Variants in HTR3A observed in about 807,000 individuals in gnomAD.
The protein encoded by HTR3A is 5-hydroxytryptamine receptor 3A, also known as 5-hydroxytryptamine (serotonin) receptor 3A, ionotropic.
HTR3A carries 45 observed loss-of-function variants against 54.8 expected under a neutral mutation model. The ratio of observed to expected loss-of-function variants is 0.82; its 90% confidence interval spans 0.65 to 1.05. The LOEUF (loss-of-function observed/expected upper bound fraction) is 1.05. HTR3A is among the 50% of genes least tolerant of loss of function. HTR3A has a pLI of 0.00. For synonymous variants in HTR3A, 297 were observed against 256.0 expected (o/e 1.16, Z -1.53); for missense variants, 657 against 614.0 (o/e 1.07, Z -0.74).
At chr11:113,983,013 A>G (rs1950439444) in intron 4 of HTR3A, 107 bp from the exon 5 acceptor site, 1 of 1,302,876 alleles carries the variant, frequency 7.7e-7, no homozygotes, top group South Asian at 1.2e-5. Flanking sequence ...CCGGCTGCCT[A>G]TACCCTCCCC....
intron 1 of HTR3A, among the ~76,000 whole-genome samples, chr11:113,975,625 A>T (rs1045506715): frequency 6.6e-6 from 1 of 152,120 alleles, no homozygotes; most frequent in African/African-American, 2.4e-5. Context: ...CTTGCAAAGA[A>T]GGGAGCAGAG....
Position 113,977,875 on chromosome 11 carries a change from C to T in HTR3A, c.172C>T (p.Pro58Ser). 6.2e-6 allele frequency: 10 copies of T among 1,614,138 alleles called. No homozygotes were observed. The highest frequency in any genetic ancestry group is 5.3e-5 in the African/African-American group (4 of 75,020). ...GVRPVRDWRK[P>S]TTVSIDVIVY... ...GCGCCCCGTGAGGGACTGGAGGAAG[C>T]CAACCACCGTATCCATTGACGTCAT... is the stretch of plus-strand genomic sequence containing the variant. The change falls in exon 2 of 9, where the codon CCA (proline) becomes TCA (serine). Residue 58 changes from proline (P) to serine (S), a missense_variant. Pro to Ser is a moderately conservative substitution (Grantham distance 74, BLOSUM62 -1). Transcript: ENST00000504030.
In HTR3A at chr11:113,989,863, T is replaced by G. The variant is rs564453374; in HGVS notation, c.*100T>G. ...AGGACCCAGGGAATGCCAGGGACAT[T>G]TTCAAGACACAGACAAAGTCCCGTG... On this transcript the variant is annotated 3_prime_UTR_variant, in exon 9 of 9. Coordinates refer to ENST00000504030, the MANE Select transcript of HTR3A (RefSeq NM_000869.6). The surrounding 1 kb of genome is among the most constrained non-coding windows in gnomAD (Gnocchi z 4.4). The G allele has an allele frequency of 3.1e-5, 41 of 1,306,982 alleles. No individual in the cohort carries two copies. Among genetic ancestry groups the G allele is most frequent in the Non-Finnish European group, 4.2e-5 (38 of 915,470 alleles). The allele number at this position is 1,306,982 out of a possible 1,614,324, so 81.0% of individuals were successfully genotyped here. A position where few individuals can be genotyped will look rare whatever the true frequency, so the allele number is the denominator to read the frequency against.
At chr11:113,983,968 A>T (rs1176718) in intron 5 of HTR3A, among the ~76,000 whole-genome samples, 13 of 152,174 alleles carry the variant, frequency 8.5e-5, no homozygotes, top group African/African-American at 1.7e-4. Flanking sequence ...TGCCACAGCC[A>T]GCTGCTCCAG....
rs747772509 is a variant in HTR3A, at chr11:113,989,436, C to G, written c.1139-29C>G. 1.9e-6 allele frequency: 3 copies of G among 1,613,364 alleles called. 1 individual carries two copies. In the South Asian group the frequency reaches 3.3e-5, roughly 18 times the overall value. ...TCAGGTCACCACCCGGGGTCTCCCT[C>G]TCTTGCCAATGCCCTGCCCTTCTTC... On this transcript the variant is annotated intron_variant, in intron 8 of 8. Coordinates refer to ENST00000504030, the MANE Select transcript of HTR3A (RefSeq NM_000869.6). The surrounding 1 kb of genome is among the most constrained non-coding windows in gnomAD (Gnocchi z 4.4).
intron 1 of HTR3A, among the ~76,000 whole-genome samples, chr11:113,977,314 G>C (rs1950362747): frequency 6.6e-6 from 1 of 152,200 alleles, no homozygotes; most frequent in Non-Finnish European, 1.5e-5. Context: ...CCTTGGCTGA[G>C]GAAAACCCTG....
rs937479640 is a variant in HTR3A, at chr11:113,975,382, A to C, written c.57A>C (p.Ala19=). 1.9e-6 allele frequency: 3 copies of C among 1,612,292 alleles called. No homozygotes were observed. In the African/African-American group the frequency reaches 4.0e-5, roughly 22 times the overall value. ...CCTTGCTCCTCCCCACACTCCTGGCACAGGGAGAAGGTAAGCAGACTTCGG... is the reference window on the plus strand; with the variant it reads ...CCTTGCTCCTCCCCACACTCCTGGCCCAGGGAGAAGGTAAGCAGACTTCGG... ...LLALLLPTLL[A]QGEARRSRNT... Residue 19 remains alanine (A), a synonymous_variant, in exon 1 of 9, where the codon GCA becomes GCC. Coordinates refer to ENST00000504030, the MANE Select transcript of HTR3A (RefSeq NM_000869.6).
Position 113,979,250 on chromosome 11 carries a change from G to T in HTR3A, c.237G>T (p.Val79=), listed in dbSNP as rs147444930. Reference sequence around the variant, plus strand: ...TTTCCCAGGATGAGAAGAATCAGGTGCTGACCACCTACATCTGGTACCGGC... The same window carrying T: ...TTTCCCAGGATGAGAAGAATCAGGTTCTGACCACCTACATCTGGTACCGGC... ...AILNVDEKNQ[V]LTTYIWYRQY... is the part of the protein sequence containing the mutation. Residue 79 remains valine, a synonymous_variant, in exon 3 of 9, where the codon GTG becomes GTT. Coordinates refer to ENST00000504030, the MANE Select transcript of HTR3A (RefSeq NM_000869.6). The T allele has an allele frequency of 7.4e-5, 120 of 1,613,186 alleles. No homozygotes were observed. The African/African-American group carries it at 1.5e-3, about 20-fold the overall frequency.
intron 3 of HTR3A, 188 bp from the exon 4 acceptor site, chr11:113,981,015 G>C: frequency 1.6e-6 from 1 of 613,520 alleles, no homozygotes; most frequent in South Asian, 1.8e-5. Flanking sequence ...TGTGGAGGCA[G>C]AGTGTGAATG....
rs758660077 is a variant in HTR3A, at chr11:113,983,990, C to T, written c.544+701C>T. Among the ~76,000 whole-genome samples the T allele has an allele frequency of 1.8e-4, 28 of 152,336 alleles. 2 individuals carry two copies. The Middle Eastern group carries it at 0.01, about 56-fold the overall frequency. On this transcript the variant is annotated intron_variant, in intron 5 of 8. Coordinates refer to ENST00000504030, the MANE Select transcript of HTR3A (RefSeq NM_000869.6). ...GCCAGCTGCTCCAGGCTCATCTGCT[C>T]CTCTGAGCTCTGCTCCCACCCAGCT...
intron 8 of HTR3A, 41 bp downstream of exon 8, chr11:113,987,087 T>C (rs770826653): frequency 6.3e-7 from 1 of 1,598,474 alleles, no homozygotes; most frequent in African/African-American, 1.3e-5. Flanking sequence ...AGGGGCTGCT[T>C]CTGGCTTGGA....
In HTR3A at chr11:113,989,595, C is replaced by T. The variant is rs1950528132; in HGVS notation, c.1269C>T (p.Ser423=). The change falls in exon 9 of 9, where the codon TCC becomes TCT. Residue 423 remains serine (S), a synonymous_variant. Transcript: ENST00000504030. The surrounding 1 kb of genome is among the most constrained non-coding windows in gnomAD (Gnocchi z 4.4). ...LAVCGLLQEL[S]SIRQFLEKRD... ...TGTGTGGGCTGCTGCAGGAGCTGTC[C>T]TCCATCCGGCAATTCCTGGAAAAGC... The T allele has an allele frequency of 6.2e-7, 1 of 1,614,200 alleles. No homozygotes were observed. The highest frequency in any genetic ancestry group is 8.5e-7 in the Non-Finnish European group (1 of 1,180,038).
In HTR3A at chr11:113,977,797, C is replaced by A. The variant is rs1950370025; in HGVS notation, c.94C>A (p.Pro32Thr). 6.2e-7 allele frequency: 1 copy of A among 1,613,984 alleles called. No individual in the cohort carries two copies. The change falls in exon 2 of 9, where the codon CCC becomes ACC. Residue 32 changes from proline (P) to threonine (T), a missense_variant. Physicochemically the swap from Pro to Thr is conservative, Grantham distance 38 (BLOSUM62 -1). Coordinates refer to ENST00000504030, the MANE Select transcript of HTR3A (RefSeq NM_000869.6). ...EARRSRNTTR[P>T]ALLRLSDYLL... The stretch of plus-strand genomic sequence containing the variant: ...CAGGAGGAGCCGAAACACCACCAGG[C>A]CCGCTCTGCTGAGGCTGTCGGATTA...
intron 1 of HTR3A, among the ~76,000 whole-genome samples, chr11:113,976,041 G>A (rs556769322): frequency 7.2e-5 from 11 of 152,194 alleles, no homozygotes; most frequent in South Asian, 6.2e-4. Flanking sequence ...CAAAGGGACC[G>A]GCTTCCTTTT....
At chr11:113,979,851 G>A (rs1053764448) in intron 3 of HTR3A, among the ~76,000 whole-genome samples, 1 of 152,176 alleles carries the variant, frequency 6.6e-6, no homozygotes, top group Admixed American at 6.5e-5. Flanking sequence ...AGCCCCTGGG[G>A]TTGTTGGGAA....
chr11:113,976,322 T>G (rs1240215029), intron 1 of HTR3A, among the ~76,000 whole-genome samples: 1 of 152,042 alleles, frequency 6.6e-6, no homozygotes, highest in Non-Finnish European at 1.5e-5. Context: ...CCGGGCCTGC[T>G]GGGATGAGTT....
chr11:113,980,607 G>A (rs1053055742), intron 3 of HTR3A, among the ~76,000 whole-genome samples: 2 of 152,226 alleles, frequency 1.3e-5, no homozygotes, highest in East Asian at 1.9e-4. Context: ...CATTGCATAC[G>A]GCTGCAGTGT....
intron 1 of HTR3A, chr11:113,977,439 C>G: frequency 9.4e-7 from 1 of 1,064,568 alleles, no homozygotes. Flanking sequence ...CAGAGGCCCT[C>G]GCTTAGGCCC....
At position 113,989,550 on chromosome 11, in the gene HTR3A, T is replaced by A; in HGVS notation, c.1224T>A (p.Pro408=). ...ACAGATGTAGCCCTCCCCCACCACCTCGGGAGGCCTCGCTGGCGGTGTGTG... is the reference window on the plus strand; with the variant it reads ...ACAGATGTAGCCCTCCCCCACCACCACGGGAGGCCTCGCTGGCGGTGTGTG... ...PRDRCSPPPP[P]REASLAVCGL... Residue 408 remains proline, a synonymous_variant, in exon 9 of 9, where the codon CCT becomes CCA. Transcript: ENST00000504030. This position sits in a 1 kb window ranked among gnomAD's most constrained non-coding sequence, Gnocchi z 4.4. The A allele has an allele frequency of 6.2e-7, 1 of 1,613,950 alleles. No individual in the cohort carries two copies. Among genetic ancestry groups the A allele is most frequent in the South Asian group, 1.1e-5 (1 of 91,060 alleles).
Sources: gnomAD v4.1 joint callset for allele counts (sites outside exome capture counted in the v4.1 genomes callset) on GRCh38, gnomAD v4.1.1 for gene constraint, Gnocchi (gnomAD v3.1) non-coding constraint, MANE v1.5 for transcripts, NCBI Gene and HGNC (gene_info 2026-07-23, HGNC 2026-07-21) for gene names.